The following PDE11A variants were observed in gnomAD, a reference collection of about 807,000 sequenced individuals.
The protein encoded by PDE11A is dual 3',5'-cyclic-AMP and -GMP phosphodiesterase 11A.
A neutral mutation model predicts 100.5 loss-of-function variants in PDE11A; 100 were observed. The ratio of observed to expected loss-of-function variants is 1.00; its 90% CI spans 0.85 to 1.18. The LOEUF (loss-of-function observed/expected upper bound fraction) is 1.18. Ranked by LOEUF, PDE11A falls within the 50% of genes most tolerant of loss-of-function variation. The pLI is 0.00. For missense variants in PDE11A, 1,141 were observed against 1,152.6 expected, an observed-to-expected ratio of 0.99 and a Z score of 0.15; for synonymous variants, 381 against 420.8, an observed-to-expected ratio of 0.91 and a Z score of 1.16.
intron 2 of PDE11A, among the ~76,000 whole-genome samples, chr2:178,010,774 A>G (rs2086265819): frequency 6.6e-6 from 1 of 152,236 alleles, no homozygotes; most frequent in South Asian, 2.1e-4. Context: ...GTGGACGCAT[A>G]TGTAAGAAAT....
chr2:177,731,806 T>G (rs1245556068), intron 10 of PDE11A, among the ~76,000 whole-genome samples: 2 of 152,184 alleles, frequency 1.3e-5, no homozygotes, highest in Admixed American at 6.5e-5. Flanking sequence ...GCTTTTCCCA[T>G]TGCTAGGTTA....
intron 19 of PDE11A, among the ~76,000 whole-genome samples, chr2:177,631,015 T>C (rs4893971): frequency 0.67 from 101,677 of 151,982 alleles, 37,574 homozygotes; most frequent in East Asian, 0.86. Flanking sequence ...AACATGTTAG[T>C]GTTAGAAAAT....
intron 1 of PDE11A, chr2:178,018,544 A>T (rs2086368787): frequency 2.6e-6 from 1 of 388,280 alleles, no homozygotes; most frequent in East Asian, 6.6e-5. Context: ...CTGCCATGCC[A>T]TTCCACTAAC....
At chr2:177,902,053 G>C (rs2084705508) in intron 3 of PDE11A, among the ~76,000 whole-genome samples, 1 of 152,128 alleles carries the variant, frequency 6.6e-6, no homozygotes, top group South Asian at 2.1e-4. Flanking sequence ...AGAAAATCTA[G>C]GATAATATCT....
chr2:178,056,622 T>C (rs1180600835), intron 1 of PDE11A, among the ~76,000 whole-genome samples: 1 of 152,040 alleles, frequency 6.6e-6, no homozygotes, highest in Non-Finnish European at 1.5e-5. Flanking sequence ...AATTAAACTC[T>C]GTGTATTTAA....
At chr2:177,896,666 A>C (rs2084616965) in intron 4 of PDE11A, among the ~76,000 whole-genome samples, 1 of 152,228 alleles carries the variant, frequency 6.6e-6, no homozygotes, top group Non-Finnish European at 1.5e-5. Flanking sequence ...AGAGTCAGGC[A>C]GTGGAGGTGA....
intron 10 of PDE11A, among the ~76,000 whole-genome samples, chr2:177,756,553 G>A (rs1432573345): frequency 6.6e-6 from 1 of 152,190 alleles, no homozygotes; most frequent in African/African-American, 2.4e-5. Flanking sequence ...AAGTGTTGAG[G>A]ACGGCCACCT....
chr2:178,063,731 G>A (rs1197244944), intron 1 of PDE11A, among the ~76,000 whole-genome samples: 4 of 152,128 alleles, frequency 2.6e-5, no homozygotes, highest in East Asian at 3.9e-4. Flanking sequence ...GCTCTGGATC[G>A]GCTGATTTAT....
intron 2 of PDE11A, among the ~76,000 whole-genome samples, chr2:178,006,529 C>G (rs919752314): frequency 6.6e-6 from 1 of 152,054 alleles, no homozygotes; most frequent in Non-Finnish European, 1.5e-5. Flanking sequence ...GCCATGACAC[C>G]ATGGCAATAT....
intron 1 of PDE11A, among the ~76,000 whole-genome samples, chr2:178,043,063 C>T (rs2086703620): frequency 6.6e-6 from 1 of 152,142 alleles, no homozygotes; most frequent in Non-Finnish European, 1.5e-5. Flanking sequence ...CTAACTGATA[C>T]TGTCACAAAG....
At chr2:177,658,611 T>C (rs2080427376) in intron 19 of PDE11A, among the ~76,000 whole-genome samples, 1 of 152,082 alleles carries the variant, frequency 6.6e-6, no homozygotes. Context: ...ATACCCCCTT[T>C]GTAAGGACAA....
At chr2:177,653,019 C>T (rs2080332590) in intron 19 of PDE11A, among the ~76,000 whole-genome samples, 1 of 152,164 alleles carries the variant, frequency 6.6e-6, no homozygotes, top group South Asian at 2.1e-4. Flanking sequence ...TGGACCAGGG[C>T]AGGTAAGTGG....
intron 19 of PDE11A, among the ~76,000 whole-genome samples, chr2:177,636,634 C>T (rs971234292): frequency 6.8e-6 from 1 of 146,828 alleles, no homozygotes; most frequent in Admixed American, 6.8e-5. Context: ...AGAACTCACT[C>T]GTGGTCATTC....
At chr2:177,776,436 C>T (rs1454118765) in intron 9 of PDE11A, among the ~76,000 whole-genome samples, 1 of 152,166 alleles carries the variant, frequency 6.6e-6, no homozygotes, top group African/African-American at 2.4e-5. Flanking sequence ...CAACATCTCC[C>T]AATGACATTT....
chr2:177,727,602 G>A, intron 12 of PDE11A, 56 bp downstream of exon 12: 4 of 992,954 alleles, frequency 4.0e-6, no homozygotes, highest in Non-Finnish European at 6.5e-6. Context: ...AAAGGAGAAG[G>A]CCTGCCAGTT....
chr2:177,883,762 C>A (rs1296870609), intron 4 of PDE11A, among the ~76,000 whole-genome samples: 1 of 152,114 alleles, frequency 6.6e-6, no homozygotes, highest in African/African-American at 2.4e-5. Context: ...GTGAGGCACC[C>A]AGGCACTAGC....
chr2:177,803,754 C>G (rs563677331), intron 9 of PDE11A, among the ~76,000 whole-genome samples: 1 of 151,882 alleles, frequency 6.6e-6, no homozygotes, highest in Non-Finnish European at 1.5e-5. Context: ...ATTCAGCATC[C>G]CTTCATGATA....
At chr2:177,937,865 T>C (rs1253964442) in intron 2 of PDE11A, among the ~76,000 whole-genome samples, 1 of 152,098 alleles carries the variant, frequency 6.6e-6, no homozygotes, top group African/African-American at 2.4e-5. Flanking sequence ...AAAAAGGCTA[T>C]AGATTTATTT....
intron 6 of PDE11A, among the ~76,000 whole-genome samples, chr2:177,834,348 C>T (rs910710236): frequency 6.6e-6 from 1 of 152,256 alleles, no homozygotes; most frequent in African/African-American, 2.4e-5. Context: ...CTGCCCCCTT[C>T]CCCACCCCAT....
Sources: allele counts gnomAD v4.1 joint callset (sites outside exome capture counted in the v4.1 genomes callset), GRCh38; gene constraint gnomAD v4.1.1; transcripts MANE v1.5; gene names NCBI Gene and HGNC (gene_info 2026-07-23, HGNC 2026-07-21).